SRGAP1: variants seen among roughly 807,000 people sequenced by gnomAD.
SRGAP1 encodes SLIT-ROBO Rho GTPase activating protein 1.
Under a neutral mutation model 121.9 loss-of-function variants are expected in SRGAP1, and 43 were observed. That is an observed-to-expected ratio of 0.35 (90% CI 0.28 to 0.46). The LOEUF (loss-of-function observed/expected upper bound fraction) is 0.46. SRGAP1 is among the 20% of genes least tolerant of loss of function. The pLI, the probability that SRGAP1 is intolerant of heterozygous loss-of-function variation, is 1.00. For missense variants in SRGAP1, 1,102 were observed against 1,350.9 expected, an observed-to-expected ratio of 0.82 and a Z score of 2.89; for synonymous variants, 447 against 485.4, an observed-to-expected ratio of 0.92 and a Z score of 1.04.
chr12:64,043,051 C>G (rs2035056199), intron 5 of SRGAP1, 79 bp downstream of exon 5: 4 of 941,068 alleles, frequency 4.3e-6, no homozygotes, highest in Admixed American at 4.4e-5. Flanking sequence ...TAGCTGATAT[C>G]CACACATTGT....
intron 4 of SRGAP1, among the ~76,000 whole-genome samples, chr12:64,023,720 C>T (rs1462046988): frequency 1.3e-5 from 2 of 152,200 alleles, no homozygotes; most frequent in African/African-American, 4.8e-5. Context: ...TCCATTAGAT[C>T]AAGAGGAAAA....
chr12:63,997,422 G>T (rs1450730277), intron 3 of SRGAP1, among the ~76,000 whole-genome samples: 1 of 152,104 alleles, frequency 6.6e-6, no homozygotes, highest in African/African-American at 2.4e-5. Context: ...CTGTGGTTAA[G>T]TAATGGCCTG....
At chr12:63,871,011 A>G (rs909158422) in intron 1 of SRGAP1, among the ~76,000 whole-genome samples, 1 of 152,142 alleles carries the variant, frequency 6.6e-6, no homozygotes, top group Admixed American at 6.6e-5. Context: ...TGGTGGAGCC[A>G]CTTGACACAG....
chr12:63,998,201 G>A (rs372921600), intron 3 of SRGAP1, among the ~76,000 whole-genome samples: 1 of 152,136 alleles, frequency 6.6e-6, no homozygotes. Flanking sequence ...AACAATGACT[G>A]GCACAGAGTA....
chr12:64,115,785 T>G, intron 17 of SRGAP1, 29 bp from the exon 18 acceptor site: 1 of 1,597,408 alleles, frequency 6.3e-7, no homozygotes, highest in South Asian at 1.1e-5. Context: ...TATTTTAATT[T>G]CATATGAATT....
intron 4 of SRGAP1, among the ~76,000 whole-genome samples, chr12:64,028,219 A>T (rs2034696420): frequency 6.6e-6 from 1 of 152,118 alleles, no homozygotes; most frequent in African/African-American, 2.4e-5. Context: ...CCATGCACAA[A>T]CTCTTGGATA....
intron 1 of SRGAP1, chr12:63,871,964 T>A: frequency 9.3e-7 from 1 of 1,080,916 alleles, no homozygotes. Context: ...GGGCATACGA[T>A]GAATCCTTGC....
At chr12:64,132,757 A>G (rs1053119023) in intron 21 of SRGAP1, among the ~76,000 whole-genome samples, 2 of 152,266 alleles carry the variant, frequency 1.3e-5, no homozygotes, top group African/African-American at 2.4e-5. Context: ...GTAATGGACC[A>G]GTGTAATATC....
intron 1 of SRGAP1, among the ~76,000 whole-genome samples, chr12:63,934,606 T>C (rs2031595968): frequency 6.6e-6 from 1 of 152,182 alleles, no homozygotes; most frequent in South Asian, 2.1e-4. Context: ...TGGCCCTTTA[T>C]TGGTCCATAA....
At chr12:63,856,593 G>A (rs1000184218) in intron 1 of SRGAP1, among the ~76,000 whole-genome samples, 1 of 151,480 alleles carries the variant, frequency 6.6e-6, no homozygotes, top group African/African-American at 2.4e-5. Flanking sequence ...CTTCTGTTTT[G>A]ATGAAAGTTT....
intron 16 of SRGAP1, among the ~76,000 whole-genome samples, chr12:64,110,389 G>T (rs922288647): frequency 1.3e-5 from 2 of 152,218 alleles, no homozygotes; most frequent in Admixed American, 1.3e-4. Flanking sequence ...AATGCACCAT[G>T]GGTGTTGCTG....
chr12:63,910,475 T>C (rs1415876579), intron 1 of SRGAP1, among the ~76,000 whole-genome samples: 1 of 152,232 alleles, frequency 6.6e-6, no homozygotes. Flanking sequence ...AAATGTAGCA[T>C]TCAAGAGTAA....
At chr12:63,935,966 A>C (rs1334356607) in intron 1 of SRGAP1, among the ~76,000 whole-genome samples, 8 of 152,250 alleles carry the variant, frequency 5.3e-5, no homozygotes. Flanking sequence ...AGTCACAAAC[A>C]GAAAAAAGGG....
chr12:63,986,716 C>G (rs1359012036), intron 2 of SRGAP1, among the ~76,000 whole-genome samples: 1 of 152,170 alleles, frequency 6.6e-6, no homozygotes, highest in Non-Finnish European at 1.5e-5. Flanking sequence ...AGCCACTGTG[C>G]ACAGCCCATT....
intron 6 of SRGAP1, among the ~76,000 whole-genome samples, chr12:64,055,107 A>G (rs989226979): frequency 5.7e-4 from 86 of 151,030 alleles, no homozygotes; most frequent in Admixed American, 4.2e-3. Flanking sequence ...GAAAACCCCA[A>G]TGTCTCAGCC....
intron 1 of SRGAP1, among the ~76,000 whole-genome samples, chr12:63,907,072 G>A (rs1030070416): frequency 6.6e-6 from 1 of 152,138 alleles, no homozygotes; most frequent in African/African-American, 2.4e-5. Context: ...ACCACTACTT[G>A]TTATTATCTG....
Position 63,944,204 on chromosome 12 carries a change from A to G in SRGAP1, c.68-39743A>G, listed in dbSNP as rs535353697. 3.9e-5 allele frequency among the ~76,000 whole-genome samples: 6 copies of G among 152,302 alleles called. No homozygotes were observed. The East Asian group carries it at 9.6e-4, about 24-fold the overall frequency. Reference sequence around the variant, plus strand: ...GGCCCAGAAGATTAAGTAATTTGTCATGTGTCAAGGTTGCACAATAGTAAG... The same window carrying G: ...GGCCCAGAAGATTAAGTAATTTGTCGTGTGTCAAGGTTGCACAATAGTAAG... On this transcript the variant is annotated intron_variant, in intron 1 of 21. Transcript: ENST00000355086.
intron 1 of SRGAP1, among the ~76,000 whole-genome samples, chr12:63,853,465 A>G (rs1266828541): frequency 6.6e-6 from 1 of 152,234 alleles, no homozygotes. Context: ...TATACATGCA[A>G]TGTTATGCAG....
rs1018490698 is a variant in SRGAP1 at position 64,154,285 on chromosome 12, A to C, written c.*11613A>C. The C allele has an allele frequency of 3.9e-5, 6 of 152,220 alleles. No homozygotes were observed. Among genetic ancestry groups the C allele is most frequent in the African/African-American group, 1.4e-4 (6 of 41,452 alleles). The allele number at this position is 152,220 out of a possible 1,614,324, so 9.4% of individuals were successfully genotyped here. A position where few individuals can be genotyped will look rare whatever the true frequency, so the allele number is the denominator to read the frequency against. On this transcript the variant is annotated 3_prime_UTR_variant, in exon 22 of 22. Coordinates refer to ENST00000355086, the MANE Select transcript of SRGAP1 (RefSeq NM_020762.4). ...TAAGATAGTAAATTTTATACTATGT[A>C]ATTTTTTAACCACAATTTTAAACAT...
Sources: allele counts gnomAD v4.1 joint callset (sites outside exome capture counted in the v4.1 genomes callset), GRCh38; gene constraint gnomAD v4.1.1; transcripts MANE v1.5; gene names NCBI Gene and HGNC (gene_info 2026-07-23, HGNC 2026-07-21).